SUCLG2: variants seen among roughly 807,000 people sequenced by gnomAD.
SUCLG2 encodes the protein succinate--CoA ligase [GDP-forming] subunit beta, mitochondrial.
A neutral mutation model predicts 47.9 loss-of-function variants in SUCLG2; 42 were observed. The ratio of observed to expected loss-of-function variants is 0.88; its 90% CI spans 0.69 to 1.14. The LOEUF (loss-of-function observed/expected upper bound fraction) is 1.14, where lower values mean the gene tolerates loss of function less well. SUCLG2 is among the 50% of genes most tolerant of loss of function. The pLI is 0.00. For missense variants in SUCLG2, 571 were observed against 525.9 expected (o/e 1.09, Z -0.84); for synonymous variants, 195 against 197.3 (o/e 0.99, Z 0.10).
intron 6 of SUCLG2, among the ~76,000 whole-genome samples, chr3:67,513,778 T>C (rs1705860464): frequency 6.6e-6 from 1 of 152,218 alleles, no homozygotes. Context: ...CAATTGTTAT[T>C]TTGTCTGTTA....
At position 67,584,141 on chromosome 3, in the gene SUCLG2, A is replaced by G. The variant is rs574580847; in HGVS notation, c.226+25314T>C. ...ATTAATCGTGATAGCCAAAAATTCA[A>G]ATCAACATAAATATCTACCAATTGG... is the stretch of plus-strand genomic sequence containing the variant. On this transcript the variant is annotated intron_variant, in intron 2 of 10. Coordinates refer to ENST00000307227, the MANE Select transcript of SUCLG2 (RefSeq NM_003848.4). 2.6e-5 allele frequency among the ~76,000 whole-genome samples: 4 copies of G among 152,374 alleles called. No individual in the cohort carries two copies. In the South Asian group the frequency reaches 8.3e-4, roughly 32 times the overall value.
At chr3:67,563,722 G>C (rs2107221243) in intron 2 of SUCLG2, among the ~76,000 whole-genome samples, 1 of 152,228 alleles carries the variant, frequency 6.6e-6, no homozygotes, top group Admixed American at 6.5e-5. Flanking sequence ...CACTTTGGGA[G>C]GCCAAGGCGG....
chr3:67,372,773 T>A (rs1322895907), downstream of SUCLG2, among the ~76,000 whole-genome samples: 1 of 152,232 alleles, frequency 6.6e-6, no homozygotes, highest in African/African-American at 2.4e-5. Context: ...TCTTCCTTTC[T>A]CAGGTTTGAA....
intron 2 of SUCLG2, among the ~76,000 whole-genome samples, chr3:67,597,619 G>GC (rs1442283715): frequency 6.6e-6 from 1 of 152,104 alleles, no homozygotes; most frequent in Non-Finnish European, 1.5e-5. Context: ...TTTAAAAGCT[G>GC]CAAGAATTGA....
intron 2 of SUCLG2, among the ~76,000 whole-genome samples, chr3:67,573,716 C>T (rs1253324581): frequency 6.6e-6 from 1 of 152,152 alleles, no homozygotes; most frequent in Non-Finnish European, 1.5e-5. Context: ...ACCTGGGATT[C>T]AAACGGCCTG....
intron 2 of SUCLG2, among the ~76,000 whole-genome samples, chr3:67,557,583 T>C (rs745606435): frequency 2.6e-5 from 4 of 152,204 alleles, no homozygotes; most frequent in South Asian, 2.1e-4. Flanking sequence ...TATTCTGTTA[T>C]AAGGTTAGGA....
downstream of SUCLG2, among the ~76,000 whole-genome samples, chr3:67,371,203 G>C (rs1559634576): frequency 6.6e-6 from 1 of 152,006 alleles, no homozygotes; most frequent in Non-Finnish European, 1.5e-5. Context: ...ACAAACACAA[G>C]GGAGGAACAA....
chr3:67,595,840 A>T (rs973028272), intron 2 of SUCLG2, among the ~76,000 whole-genome samples: 5 of 152,272 alleles, frequency 3.3e-5, no homozygotes, highest in Non-Finnish European at 7.3e-5. Flanking sequence ...CACACACACC[A>T]GATCAATATT....
At chr3:67,424,467 T>G (rs574856879) in intron 9 of SUCLG2, among the ~76,000 whole-genome samples, 1 of 152,330 alleles carries the variant, frequency 6.6e-6, no homozygotes, top group East Asian at 1.9e-4. Flanking sequence ...CTGTAGCTAC[T>G]TACTGTCCAG....
chr3:67,473,263 T>C (rs2106991595), intron 9 of SUCLG2, among the ~76,000 whole-genome samples: 1 of 152,284 alleles, frequency 6.6e-6, no homozygotes, highest in Admixed American at 6.5e-5. Context: ...CACTACAGCC[T>C]TGACCTCCCG....
chr3:67,372,438 G>A (rs1180539389), downstream of SUCLG2, among the ~76,000 whole-genome samples: 2 of 151,976 alleles, frequency 1.3e-5, no homozygotes, highest in African/African-American at 4.8e-5. Context: ...ACTAAACAAT[G>A]CATGACATAC....
chr3:67,491,200 G>C (rs1015513914), intron 9 of SUCLG2, among the ~76,000 whole-genome samples: 10 of 144,644 alleles, frequency 6.9e-5, no homozygotes, highest in Non-Finnish European at 1.3e-4. Context: ...GACGCCTTTA[G>C]TCCCAGCTAC....
At chr3:67,385,440 T>C (rs998093539) in intron 10 of SUCLG2, among the ~76,000 whole-genome samples, 3 of 152,244 alleles carry the variant, frequency 2.0e-5, no homozygotes, top group Non-Finnish European at 4.4e-5. Flanking sequence ...TAACCCCTCC[T>C]GTTCTCTTTG....
chr3:67,367,486 A>G (rs1035272169), intron 10 of SUCLG2, among the ~76,000 whole-genome samples: 5 of 152,018 alleles, frequency 3.3e-5, no homozygotes, highest in African/African-American at 1.2e-4. Flanking sequence ...TCTTTTGGTA[A>G]TTTTTGTCTT....
chr3:67,484,253 G>A (rs1233927855), intron 9 of SUCLG2, among the ~76,000 whole-genome samples: 1 of 152,242 alleles, frequency 6.6e-6, no homozygotes, highest in Middle Eastern at 3.4e-3. Flanking sequence ...TAGTCCTAGA[G>A]TATGGCCCCC....
At chr3:67,653,919 G>C (rs1456095369) in intron 1 of SUCLG2, among the ~76,000 whole-genome samples, 3 of 152,196 alleles carry the variant, frequency 2.0e-5, no homozygotes, top group African/African-American at 7.2e-5. Flanking sequence ...TGACAGCCCT[G>C]ATTTTTCATT....
intron 6 of SUCLG2, among the ~76,000 whole-genome samples, chr3:67,510,208 G>C (rs1705749804): frequency 6.6e-6 from 1 of 152,112 alleles, no homozygotes; most frequent in African/African-American, 2.4e-5. Flanking sequence ...CATCCCTAAA[G>C]TAAATCCCCA....
At chr3:67,465,711 T>C (rs1704453341) in intron 9 of SUCLG2, among the ~76,000 whole-genome samples, 1 of 152,210 alleles carries the variant, frequency 6.6e-6, no homozygotes, top group Non-Finnish European at 1.5e-5. Flanking sequence ...TCCTGGCTGC[T>C]TTCTCATTTT....
chr3:67,545,412 G>C (rs1575767978), intron 2 of SUCLG2, among the ~76,000 whole-genome samples: 1 of 152,190 alleles, frequency 6.6e-6, no homozygotes, highest in African/African-American at 2.4e-5. Flanking sequence ...CACATCTACT[G>C]AGGTCCAGCA....
Sources: gnomAD v4.1 joint callset for allele counts (sites outside exome capture counted in the v4.1 genomes callset) on GRCh38, gnomAD v4.1.1 for gene constraint, MANE v1.5 for transcripts, NCBI Gene and HGNC (gene_info 2026-07-23, HGNC 2026-07-21) for gene names.